GLB1: variants seen among roughly 807,000 people sequenced by gnomAD.
GLB1 encodes beta-galactosidase.
In GLB1, 56 loss-of-function variants were observed where a neutral mutation model predicts 74.0. That is an observed-to-expected ratio of 0.76 (90% confidence interval 0.61 to 0.94). GLB1 has a LOEUF of 0.94. Ranked by LOEUF, GLB1 falls within the 40% of genes least tolerant of loss-of-function variation. The probability of loss-of-function intolerance (pLI) is 0.00; values close to 1 mark genes in which losing one functional copy is unlikely to be tolerated. For synonymous variants in GLB1, 323 were observed against 323.6 expected (o/e 1.00, Z 0.02); for missense variants, 787 against 845.5 (o/e 0.93, Z 0.86).
chr3:33,013,819 G>A (rs1191367589), intron 15 of GLB1, among the ~76,000 whole-genome samples: 3 of 152,110 alleles, frequency 2.0e-5, no homozygotes, highest in Non-Finnish European at 2.9e-5. Flanking sequence ...CTTGGAGGAG[G>A]CAGGATGGTG....
At chr3:33,019,862 T>C (rs1416077208) in intron 12 of GLB1, among the ~76,000 whole-genome samples, 2 of 152,080 alleles carry the variant, frequency 1.3e-5, no homozygotes, top group Admixed American at 6.5e-5. Context: ...CTCCCTGAAG[T>C]CTGTGCCCTT....
chr3:33,074,484 T>C (rs1037735860), intron 1 of GLB1, among the ~76,000 whole-genome samples: 2 of 152,120 alleles, frequency 1.3e-5, no homozygotes, highest in Non-Finnish European at 2.9e-5. Context: ...TATGTACGCA[T>C]GTATATTTGG....
intron 1 of GLB1, among the ~76,000 whole-genome samples, chr3:33,082,681 T>C (rs1700364200): frequency 6.6e-6 from 1 of 152,188 alleles, no homozygotes. Flanking sequence ...CAAATCCTAC[T>C]GATAAAAAGG....
At position 33,097,018 on chromosome 3, in the gene GLB1, C is replaced by G. The variant is rs755668722; in HGVS notation, c.68G>C (p.Gly23Ala). 30 of 1,612,182 alleles carry G rather than the reference C, an allele frequency of 1.9e-5. 1 individual carries two copies. In the Middle Eastern group the frequency reaches 6.6e-4, roughly 36 times the overall value. Reference sequence around the variant, plus strand: ...CGGGTCCCGCAGACTTACGCGCAAGCCGCGCGTAGGGCCCAGAAGCAGCAG... The same window carrying G: ...CGGGTCCCGCAGACTTACGCGCAAGGCGCGCGTAGGGCCCAGAAGCAGCAG... ...LVLLLLGPTR[G>A]LRNATQRMFE... The change falls in exon 1 of 16, where the codon GGC becomes GCC. Residue 23 changes from glycine to alanine, a missense_variant. By Grantham distance (60) the Gly-to-Ala change is moderately conservative (BLOSUM62 0). Transcript: ENST00000307363.
chr3:32,965,336 T>C, the GLB1 span, among the ~76,000 whole-genome samples: 19 of 152,294 alleles, frequency 1.2e-4, no homozygotes, highest in African/African-American at 4.3e-4. Context: ...AAAGCCCAGA[T>C]TGAGGTGGTC....
rs770760659 is a variant in GLB1 at position 33,097,114 on chromosome 3, G to C, written c.-29C>G. 1.2e-6 allele frequency: 2 copies of C among 1,610,152 alleles called. No homozygotes were observed. The highest frequency in any genetic ancestry group is 1.7e-6 in the Non-Finnish European group (2 of 1,178,058). On this transcript the variant is annotated 5_prime_UTR_variant, in exon 1 of 16. Transcript: ENST00000307363. ...CACCAGCCTCCCGGCTCTGCAGTCG[G>C]CGCCCAGGCCGGCCGCTTCGCGTCA... is the stretch of plus-strand genomic sequence containing the variant.
intron 2 of GLB1, among the ~76,000 whole-genome samples, chr3:33,070,170 G>A (rs1699840379): frequency 6.6e-6 from 1 of 152,184 alleles, no homozygotes. Flanking sequence ...ATTCCATGGT[G>A]TATATGTACC....
At chr3:33,033,946 G>C in intron 10 of GLB1, 1 of 553,448 alleles carries the variant, frequency 1.8e-6, no homozygotes, top group Admixed American at 1.9e-5. Flanking sequence ...GCACCCGCCT[G>C]GCAACCTGCT....
chr3:33,052,350 C>T (rs535465929), intron 7 of GLB1, among the ~76,000 whole-genome samples: 3 of 152,294 alleles, frequency 2.0e-5, no homozygotes, highest in Admixed American at 1.3e-4. Flanking sequence ...ATAACAGCTC[C>T]AGGCCGGGCG....
At chr3:32,968,764 C>A in the GLB1 span, among the ~76,000 whole-genome samples, 2 of 152,184 alleles carry the variant, frequency 1.3e-5, no homozygotes, top group African/African-American at 4.8e-5. Context: ...TTAGGACCGC[C>A]AGATCTAACT....
Position 33,051,882 on chromosome 3 carries a change from C to T in GLB1, c.914+1G>A. 6.2e-7 allele frequency: 1 copy of T among 1,614,224 alleles called. No individual in the cohort carries two copies. Among genetic ancestry groups the T allele is most frequent in the South Asian group, 1.1e-5 (1 of 91,082 alleles). ...CCTCCCCTCAGGCAATGAACACTCACAAGTTCACACTCGCCCCACGGGCAA... is the reference window on the plus strand; with the variant it reads ...CCTCCCCTCAGGCAATGAACACTCATAAGTTCACACTCGCCCCACGGGCAA... On this transcript the variant is annotated splice_donor_variant, in intron 8 of 15. Transcript: ENST00000307363. LOFTEE classifies it high-confidence loss of function.
intron 1 of GLB1, among the ~76,000 whole-genome samples, chr3:33,085,274 C>CAAA (rs772490092): frequency 0.024 from 1,769 of 74,036 alleles, 133 homozygotes; most frequent in African/African-American, 0.083. Flanking sequence ...GAGTCTGTTT[C>CAAA]AAAAAAAAAA....
intron 15 of GLB1, 145 bp from the exon 16 acceptor site, chr3:32,997,489 A>C: frequency 7.2e-7 from 1 of 1,389,378 alleles, no homozygotes; most frequent in Non-Finnish European, 9.8e-7. Context: ...GGCCCATGCC[A>C]GCCTTGGTTT....
chr3:33,038,358 T>C (rs1232431416), intron 10 of GLB1, among the ~76,000 whole-genome samples: 2 of 152,226 alleles, frequency 1.3e-5, no homozygotes, highest in Non-Finnish European at 2.9e-5. Context: ...TTAACACCTT[T>C]GTGTATAGCA....
chr3:33,065,759 G>T (rs983879709), intron 4 of GLB1, among the ~76,000 whole-genome samples: 1 of 152,124 alleles, frequency 6.6e-6, no homozygotes, highest in Non-Finnish European at 1.5e-5. Flanking sequence ...CCAGATGTCG[G>T]GAGTTCGAGA....
Position 33,014,088 on chromosome 3 carries a change from C to T in GLB1, c.1702G>A (p.Asp568Asn). The T allele has an allele frequency of 1.2e-6, 2 of 1,614,160 alleles. No homozygotes were observed. The highest frequency in any genetic ancestry group is 8.5e-7 in the Non-Finnish European group (1 of 1,180,044). ...CATCCAGGAAACTGGATAAAGGTGT[C>T]CTGGGGCAAGTCTGGGATCCCACTG... The part of the protein sequence containing the change: ...IPSGIPDLPQ[D>N]TFIQFPGWTK... The change falls in exon 15 of 16, where the codon GAC becomes AAC. Residue 568 changes from aspartate (D) to asparagine (N), a missense_variant. Physicochemically the swap from Asp to Asn is conservative, Grantham distance 23. Coordinates refer to ENST00000307363, the MANE Select transcript of GLB1 (RefSeq NM_000404.4).
chr3:33,082,390 C>T (rs923539543), intron 1 of GLB1, among the ~76,000 whole-genome samples: 1 of 152,202 alleles, frequency 6.6e-6, no homozygotes, highest in African/African-American at 2.4e-5. Context: ...ACTGCCCACT[C>T]CCCACTCCCA....
At chr3:32,973,419 C>T in the GLB1 span, among the ~76,000 whole-genome samples, 1 of 152,092 alleles carries the variant, frequency 6.6e-6, no homozygotes, top group African/African-American at 2.4e-5. Flanking sequence ...CTGCAACCTC[C>T]ACCTCCTGGG....
At chr3:32,987,654 T>C in the GLB1 span, among the ~76,000 whole-genome samples, 54 of 152,324 alleles carry the variant, frequency 3.5e-4, no homozygotes, top group African/African-American at 1.0e-3. Context: ...TTTGAAGGCA[T>C]AGGTCATGTT....
Sources: allele counts gnomAD v4.1 joint callset (sites outside exome capture counted in the v4.1 genomes callset), GRCh38; gene constraint gnomAD v4.1.1; transcripts MANE v1.5; gene names NCBI Gene and HGNC (gene_info 2026-07-23, HGNC 2026-07-21).